Variants in SRD5A2 observed in about 807,000 individuals in gnomAD.
SRD5A2 encodes the protein steroid 5 alpha-reductase 2.
SRD5A2 carries 30 observed loss-of-function variants against 27.4 expected under a neutral mutation model. The observed-to-expected ratio is 1.10, with a 90% confidence interval of 0.82 to 1.49. The LOEUF (loss-of-function observed/expected upper bound fraction) is 1.49. Among genes scored for constraint, SRD5A2 ranks in the 40% most tolerant of loss-of-function variants. The pLI is 0.00. For missense variants in SRD5A2, 348 were observed against 323.4 expected (o/e 1.08, Z -0.58); for synonymous variants, 141 against 133.6 (o/e 1.06, Z -0.38).
upstream of SRD5A2, among the ~76,000 whole-genome samples, chr2:31,582,838 G>A (rs1167016527): frequency 6.6e-6 from 1 of 152,124 alleles, no homozygotes; most frequent in African/African-American, 2.4e-5. Context: ...TAGGAAGCTG[G>A]CTCATAGACT....
At chr2:31,634,917 T>C in the SRD5A2 span, among the ~76,000 whole-genome samples, 1 of 152,196 alleles carries the variant, frequency 6.6e-6, no homozygotes. Flanking sequence ...TAGCACATTT[T>C]CTTGATTCAC....
chr2:31,617,145 C>T, the SRD5A2 span, among the ~76,000 whole-genome samples: 1 of 152,074 alleles, frequency 6.6e-6, no homozygotes, highest in South Asian at 2.1e-4. Context: ...TCCATTAAAC[C>T]TTTTTCTTTA....
At chr2:31,570,714 C>T (rs1410974594) in intron 1 of SRD5A2, among the ~76,000 whole-genome samples, 1 of 152,188 alleles carries the variant, frequency 6.6e-6, no homozygotes, top group East Asian at 1.9e-4. Flanking sequence ...AAATTACTAG[C>T]ATTCCTATAC....
chr2:31,609,467 A>G, the SRD5A2 span, among the ~76,000 whole-genome samples: 2 of 152,156 alleles, frequency 1.3e-5, no homozygotes, highest in Non-Finnish European at 1.5e-5. Context: ...GTATACATCT[A>G]TGGTCAACTG....
chr2:31,595,163 G>A, the SRD5A2 span, among the ~76,000 whole-genome samples: 1 of 151,632 alleles, frequency 6.6e-6, no homozygotes, highest in East Asian at 1.9e-4. Context: ...ACAGAAAATA[G>A]AACAAACAAA....
intron 1 of SRD5A2, among the ~76,000 whole-genome samples, chr2:31,560,594 C>T (rs1666602224): frequency 6.6e-6 from 1 of 152,216 alleles, no homozygotes; most frequent in Non-Finnish European, 1.5e-5. Flanking sequence ...AGCACTCTCT[C>T]TTCTTTTTCC....
At chr2:31,590,327 T>C in the SRD5A2 span, among the ~76,000 whole-genome samples, 85,487 of 151,966 alleles carry the variant, frequency 0.56, 24,446 homozygotes, top group Non-Finnish European at 0.61. Flanking sequence ...TGTTCTTCCA[T>C]TTGTTTGTAT....
intron 1 of SRD5A2, among the ~76,000 whole-genome samples, chr2:31,553,836 A>C (rs1666431459): frequency 6.6e-6 from 1 of 152,194 alleles, no homozygotes; most frequent in Admixed American, 6.5e-5. Context: ...CAATGGTCTA[A>C]TATAACTCCA....
chr2:31,596,981 A>T, the SRD5A2 span, among the ~76,000 whole-genome samples: 2 of 152,096 alleles, frequency 1.3e-5, no homozygotes, highest in African/African-American at 4.8e-5. Context: ...TTTTCACAGA[A>T]TTTTTAAAAA....
chr2:31,561,250 C>T (rs557772121), intron 1 of SRD5A2, among the ~76,000 whole-genome samples: 1 of 152,204 alleles, frequency 6.6e-6, no homozygotes, highest in Admixed American at 6.5e-5. Context: ...GTGGATTAGC[C>T]CAGTTTTCAG....
the SRD5A2 span, among the ~76,000 whole-genome samples, chr2:31,661,786 T>C: frequency 6.6e-6 from 1 of 152,178 alleles, no homozygotes; most frequent in Non-Finnish European, 1.5e-5. Context: ...CACCTCTCCT[T>C]CTGAAACTTC....
chr2:31,524,253 T>G lies in SRD5A2; in HGVS notation c.*1943A>C, dbSNP rs920307505. The G allele has an allele frequency of 4.4e-6, 1 of 227,260 alleles. No individual in the cohort carries two copies. Among genetic ancestry groups the G allele is most frequent in the Admixed American group, 5.7e-5 (1 of 17,516 alleles). The allele number at this position is 227,260 out of a possible 1,614,324, so 14.1% of individuals were successfully genotyped here. ...GTCTTTTATGTCACAGAGCTCAAGC[T>G]ACACCTGAAGATTTACTTCACCAAG... is the stretch of plus-strand genomic sequence containing the variant. On this transcript the variant is annotated 3_prime_UTR_variant, in exon 5 of 5. Coordinates refer to ENST00000622030, the MANE Select transcript of SRD5A2 (RefSeq NM_000348.4).
the SRD5A2 span, among the ~76,000 whole-genome samples, chr2:31,654,940 T>C: frequency 6.6e-6 from 1 of 152,188 alleles, no homozygotes; most frequent in Non-Finnish European, 1.5e-5. Flanking sequence ...TGTTGGAAGT[T>C]CCAGGTACTA....
intron 1 of SRD5A2, among the ~76,000 whole-genome samples, chr2:31,564,815 G>T (rs1666696806): frequency 6.6e-6 from 1 of 151,652 alleles, no homozygotes; most frequent in Non-Finnish European, 1.5e-5. Context: ...TCGAAAACAA[G>T]AAATAAAAAC....
At chr2:31,565,443 C>T (rs1456582775) in intron 1 of SRD5A2, among the ~76,000 whole-genome samples, 1 of 151,488 alleles carries the variant, frequency 6.6e-6, no homozygotes, top group Non-Finnish European at 1.5e-5. Flanking sequence ...CAGTATGCCA[C>T]CTTTGAGACA....
chr2:31,596,799 A>T, the SRD5A2 span, among the ~76,000 whole-genome samples: 1 of 152,186 alleles, frequency 6.6e-6, no homozygotes, highest in Admixed American at 6.5e-5. Context: ...GACGTGAAAG[A>T]CCTCTACAAG....
rs527251605 is a variant in SRD5A2 at position 31,523,255 on chromosome 2, C to G, written c.*2941G>C. 12 of 215,742 alleles carry G rather than the reference C, an allele frequency of 5.6e-5. No homozygotes were observed. The highest frequency in any genetic ancestry group is 2.5e-4 in the African/African-American group (11 of 44,468). 13.4% of individuals were successfully genotyped at this position (215,742 alleles called of 1,614,324 possible). On this transcript the variant is annotated 3_prime_UTR_variant, in exon 5 of 5. Transcript: ENST00000622030. The stretch of plus-strand genomic sequence containing the variant: ...GCATGAGCCTGGTGCTCCCACGGAG[C>G]GAGGGAAGCCTCACACACAAACAGG...
At chr2:31,531,324 A>T (rs1200154017) in intron 3 of SRD5A2, 47 bp downstream of exon 3, 1 of 1,354,770 alleles carries the variant, frequency 7.4e-7, no homozygotes, top group Non-Finnish European at 1.0e-6. Flanking sequence ...CATCCCTGGG[A>T]CAGGCTCCAG....
chr2:31,659,217 C>T, the SRD5A2 span, among the ~76,000 whole-genome samples: 1 of 152,074 alleles, frequency 6.6e-6, no homozygotes, highest in Non-Finnish European at 1.5e-5. Flanking sequence ...AAACCCACAG[C>T]CAACATTATA....
Sources: allele counts gnomAD v4.1 joint callset (sites outside exome capture counted in the v4.1 genomes callset), GRCh38; gene constraint gnomAD v4.1.1; transcripts MANE v1.5; gene names NCBI Gene and HGNC (gene_info 2026-07-23, HGNC 2026-07-21).